Variants in DNAH11 observed in about 807,000 individuals in gnomAD.
The protein encoded by DNAH11 is dynein axonemal heavy chain 11, also known as axonemal beta dynein heavy chain 11.
A neutral mutation model predicts 526.0 loss-of-function variants in DNAH11; 442 were observed. The observed-to-expected ratio is 0.84, with a 90% confidence interval of 0.78 to 0.91. The LOEUF (loss-of-function observed/expected upper bound fraction) is 0.91, where lower values mean the gene tolerates loss of function less well. Ranked by LOEUF, DNAH11 falls within the 40% of genes least tolerant of loss-of-function variation. DNAH11 has a pLI of 0.00. For missense variants in DNAH11, 6,989 were observed against 5,448.7 expected, an observed-to-expected ratio of 1.28 and a Z score of -8.90; for synonymous variants, 2,461 against 1,935.9, an observed-to-expected ratio of 1.27 and a Z score of -7.12.
intron 20 of DNAH11, 36 bp downstream of exon 20, chr7:21,606,769 A>G (rs778556872): frequency 6.6e-7 from 1 of 1,516,946 alleles, no homozygotes; most frequent in African/African-American, 1.4e-5. Context: ...GTGCATTAAA[A>G]TAGCTACTTT....
intron 65 of DNAH11, among the ~76,000 whole-genome samples, chr7:21,829,506 G>C (rs1790455390): frequency 6.6e-6 from 1 of 152,256 alleles, no homozygotes; most frequent in Non-Finnish European, 1.5e-5. Context: ...TTCTAATAAA[G>C]ACTCTGGTCT....
chr7:21,616,097 G>A, intron 21 of DNAH11, 112 bp from the exon 22 acceptor site: 2 of 782,262 alleles, frequency 2.6e-6, no homozygotes, highest in Non-Finnish European at 4.1e-6. Context: ...TTTAAAAATT[G>A]ACTTTCCACT....
intron 2 of DNAH11, among the ~76,000 whole-genome samples, chr7:21,545,622 G>T (rs971641530): frequency 6.6e-6 from 1 of 152,180 alleles, no homozygotes; most frequent in Non-Finnish European, 1.5e-5. Context: ...AATGGGAAAA[G>T]GTGATGAAAG....
intron 2 of DNAH11, among the ~76,000 whole-genome samples, chr7:21,557,502 G>T (rs1464558886): frequency 1.3e-5 from 2 of 152,148 alleles, no homozygotes; most frequent in East Asian, 3.8e-4. Context: ...TCACATGGTG[G>T]AAGGGGCGAA....
chr7:21,714,086 G>C (rs756441831), intron 42 of DNAH11, among the ~76,000 whole-genome samples: 7 of 152,138 alleles, frequency 4.6e-5, no homozygotes, highest in Non-Finnish European at 5.9e-5. Context: ...AGCTCCCAAG[G>C]CATATGTAAT....
intron 64 of DNAH11, among the ~76,000 whole-genome samples, chr7:21,817,902 A>G (rs1287033533): frequency 6.6e-6 from 1 of 152,210 alleles, no homozygotes; most frequent in African/African-American, 2.4e-5. Context: ...CATCAAATGA[A>G]TTTAAATGTA....
chr7:21,588,027 A>T (rs751069022), intron 9 of DNAH11, 37 bp from the exon 10 acceptor site: 1 of 1,602,900 alleles, frequency 6.2e-7, no homozygotes, highest in Non-Finnish European at 8.5e-7. Context: ...TTAAAAACTC[A>T]TAGTGCTTAA....
intron 22 of DNAH11, 88 bp from the exon 23 acceptor site, chr7:21,617,531 T>C: frequency 1.4e-6 from 2 of 1,438,434 alleles, no homozygotes; most frequent in South Asian, 1.3e-5. Context: ...AATCCAGGAG[T>C]TGGGAAATAT....
At chr7:21,847,315 C>T (rs1041436536) in intron 66 of DNAH11, among the ~76,000 whole-genome samples, 1 of 152,110 alleles carries the variant, frequency 6.6e-6, no homozygotes, top group African/African-American at 2.4e-5. Context: ...CTAATATATG[C>T]ATTCAATGCT....
At chr7:21,771,182 C>A (rs914360841) in intron 55 of DNAH11, among the ~76,000 whole-genome samples, 5 of 152,172 alleles carry the variant, frequency 3.3e-5, no homozygotes, top group African/African-American at 1.2e-4. Context: ...CTTTCACCTG[C>A]CCCTTTCTCT....
intron 42 of DNAH11, among the ~76,000 whole-genome samples, chr7:21,712,077 T>G (rs1288449399): frequency 6.6e-6 from 1 of 152,184 alleles, no homozygotes; most frequent in Non-Finnish European, 1.5e-5. Flanking sequence ...TCATTCTACT[T>G]TCTATCTCTA....
intron 14 of DNAH11, among the ~76,000 whole-genome samples, chr7:21,598,586 A>AAAATAAATAAATAAAT (rs57037889): frequency 2.7e-5 from 4 of 148,838 alleles, no homozygotes; most frequent in African/African-American, 9.9e-5. Context: ...ATGGTATGCA[A>AAAATAAATAAATAAAT]AAATAAATAA....
intron 14 of DNAH11, among the ~76,000 whole-genome samples, chr7:21,591,798 T>A (rs984613565): frequency 1.3e-5 from 2 of 152,168 alleles, no homozygotes; most frequent in Non-Finnish European, 2.9e-5. Context: ...GAATGTGAGA[T>A]GTGTTGATTA....
At chr7:21,630,562 A>G (rs1460494063) in intron 25 of DNAH11, among the ~76,000 whole-genome samples, 1 of 152,168 alleles carries the variant, frequency 6.6e-6, no homozygotes, top group Non-Finnish European at 1.5e-5. Flanking sequence ...TGTCTCTCAT[A>G]TTTGAAGTAT....
At chr7:21,861,342 T>G (rs1783056004) in intron 68 of DNAH11, among the ~76,000 whole-genome samples, 1 of 152,224 alleles carries the variant, frequency 6.6e-6, no homozygotes, top group South Asian at 2.1e-4. Context: ...TTTGTAATCT[T>G]ACGTGAAGAG....
At chr7:21,564,133 A>G in intron 5 of DNAH11, 53 bp from the exon 6 acceptor site, 2 of 712,050 alleles carry the variant, frequency 2.8e-6, no homozygotes, top group African/African-American at 2.2e-5. Flanking sequence ...GTGAATTTAG[A>G]AAAAAAAAAA....
intron 28 of DNAH11, among the ~76,000 whole-genome samples, chr7:21,646,027 A>C (rs1787341862): frequency 6.6e-6 from 1 of 152,206 alleles, no homozygotes; most frequent in East Asian, 1.9e-4. Context: ...AAAGTGGGAA[A>C]AGGTGTTGGC....
chr7:21,619,819 G>A lies in DNAH11; in HGVS notation c.4378-137G>A, dbSNP rs182280387. On this transcript the variant is annotated intron_variant, in intron 24 of 81. Coordinates refer to ENST00000409508, the MANE Select transcript of DNAH11 (RefSeq NM_001277115.2). Reference sequence around the variant, plus strand: ...AAACCCCATTAGCATGAATTACTTGGAGGAAAAAACTCAAGCCAATAATAC... The same window carrying A: ...AAACCCCATTAGCATGAATTACTTGAAGGAAAAAACTCAAGCCAATAATAC... 8 of 751,566 alleles carry A rather than the reference G, an allele frequency of 1.1e-5. No homozygotes were observed. The African/African-American group carries it at 1.3e-4, about 12-fold the overall frequency. 46.6% of individuals were successfully genotyped at this position (751,566 alleles called of 1,614,324 possible).
At chr7:21,861,345 G>T (rs757887386) in intron 68 of DNAH11, among the ~76,000 whole-genome samples, 1 of 152,126 alleles carries the variant, frequency 6.6e-6, no homozygotes, top group African/African-American at 2.4e-5. Flanking sequence ...GTAATCTTAC[G>T]TGAAGAGAAT....
Sources: allele counts gnomAD v4.1 joint callset (sites outside exome capture counted in the v4.1 genomes callset), GRCh38; gene constraint gnomAD v4.1.1; transcripts MANE v1.5; gene names NCBI Gene and HGNC (gene_info 2026-07-23, HGNC 2026-07-21).